The following CDH16 variants were observed in gnomAD, a reference collection of about 807,000 sequenced individuals.
CDH16 encodes cadherin 16, also known as cadherin-16.
A neutral mutation model predicts 87.6 loss-of-function variants in CDH16; 79 were observed. That is an observed-to-expected ratio of 0.90 (90% CI 0.75 to 1.09). CDH16 has a LOEUF of 1.09. Among genes scored for constraint, CDH16 ranks in the 50% least tolerant of loss-of-function variants. The probability of loss-of-function intolerance (pLI) is 0.00; values close to 1 mark genes in which losing one functional copy is unlikely to be tolerated. For missense variants in CDH16, 1,124 were observed against 1,071.7 expected (o/e 1.05, Z -0.68); for synonymous variants, 457 against 439.5 (o/e 1.04, Z -0.50).
At chr16:66,918,200 G>A in intron 1 of CDH16, 122 bp from the exon 2 acceptor site, 1 of 646,222 alleles carries the variant, frequency 1.5e-6, no homozygotes, top group Non-Finnish European at 2.5e-6. Context: ...CAAAGGAGCT[G>A]AGGCTCTCCA....
chr16:66,911,444 T>TG (rs1419012874), intron 13 of CDH16, 129 bp from the exon 14 acceptor site: 6 of 920,334 alleles, frequency 6.5e-6, no homozygotes, highest in Non-Finnish European at 8.0e-6. Flanking sequence ...CAGCAAAGCC[T>TG]GGGGGGCCCA....
At chr16:66,917,793 G>C in intron 2 of CDH16, 68 bp from the exon 3 acceptor site, 2 of 1,394,198 alleles carry the variant, frequency 1.4e-6, no homozygotes. Flanking sequence ...CCCAACAGAA[G>C]AGCGGAATTT....
chr16:66,916,498 G>A lies in CDH16; in HGVS notation c.130-69C>T, dbSNP rs1316744664. 2.7e-6 allele frequency: 4 copies of A among 1,485,986 alleles called. No homozygotes were observed. Among genetic ancestry groups the A allele is most frequent in the Non-Finnish European group, 3.6e-6 (4 of 1,116,040 alleles). The allele number at this position is 1,485,986 out of a possible 1,614,324, so 92.1% of individuals were successfully genotyped here. A position where few individuals can be genotyped will look rare whatever the true frequency, so the allele number is the denominator to read the frequency against. ...GGGAGATGCCCCTCCTCCACCTGATGGCCTCATTTTACATGTGGGGAAACT... is the reference window on the plus strand; with the variant it reads ...GGGAGATGCCCCTCCTCCACCTGATAGCCTCATTTTACATGTGGGGAAACT... On this transcript the variant is annotated intron_variant, in intron 3 of 17. Transcript: ENST00000299752. The surrounding 1 kb of genome is among the most constrained non-coding windows in gnomAD (Gnocchi z 4.1).
Position 66,910,476 on chromosome 16 carries a change from G to A in CDH16, c.1951C>T (p.Pro651Ser). ...GCCTTTAGGAAGTGGATCACCAGGG[G>A]TGCAGAAGCGCTCAGTCTCGGCTCA... ...TDEPRLSASA[P>S]LVIHFLKAPP... Residue 651 changes from proline (P) to serine (S), a missense_variant, in exon 15 of 18, where the codon CCC becomes TCC. By Grantham distance (74) the Pro-to-Ser change is moderately conservative. Transcript: ENST00000299752. 1 of 1,549,908 alleles carries A rather than the reference G, an allele frequency of 6.5e-7. No homozygotes were observed. The highest frequency in any genetic ancestry group is 8.7e-7 in the Non-Finnish European group (1 of 1,144,280).
At position 66,912,375 on chromosome 16, in the gene CDH16, A is replaced by G. The variant is rs1403030130; in HGVS notation, c.1415T>C (p.Leu472Pro). Residue 472 changes from leucine (L) to proline (P), a missense_variant, in exon 12 of 18, where the codon CTA (leucine) becomes CCA (proline). Transcript: ENST00000299752. ...DVEPGTLVAM[L>P]TAIDADLEPA... is the part of the protein sequence containing the mutation. Reference sequence around the variant, plus strand: ...CTCGAGGTCAGCATCAATGGCTGTTAGCATGGCCACCAGAGTCCCGGGCTC... The same window carrying G: ...CTCGAGGTCAGCATCAATGGCTGTTGGCATGGCCACCAGAGTCCCGGGCTC... 6.2e-7 allele frequency: 1 copy of G among 1,614,138 alleles called. No homozygotes were observed. Among genetic ancestry groups the G allele is most frequent in the East Asian group, 2.2e-5 (1 of 44,878 alleles).
chr16:66,911,497 G>A lies in CDH16; in HGVS notation c.1791-182C>T, dbSNP rs1301689674. Among the ~76,000 whole-genome samples, 3 of 152,160 alleles carry A rather than the reference G, an allele frequency of 2.0e-5. No individual in the cohort carries two copies. The East Asian group carries it at 5.8e-4, about 29-fold the overall frequency. On this transcript the variant is annotated intron_variant, in intron 13 of 17. Transcript: ENST00000299752. ...CAGGATTTGTTGTGGTGGTGGTGGTGGGTGTGGGATGAAGAACAGATCATG... is the reference window on the plus strand; with the variant it reads ...CAGGATTTGTTGTGGTGGTGGTGGTAGGTGTGGGATGAAGAACAGATCATG...
chr16:66,918,424 G>C (rs1337503502), intron 1 of CDH16, among the ~76,000 whole-genome samples: 1 of 152,256 alleles, frequency 6.6e-6, no homozygotes, highest in Non-Finnish European at 1.5e-5. Flanking sequence ...AAGCTGGAAA[G>C]TTCCTGAAGA....
At position 66,914,349 on chromosome 16, in the gene CDH16, A is replaced by G. The variant is rs763021340; in HGVS notation, c.647T>C (p.Met216Thr). 3 of 1,614,226 alleles carry G rather than the reference A, an allele frequency of 1.9e-6. No individual in the cohort carries two copies. ...CTGGTGGCCTGAGGCCTGGTCACCC[A>G]TGTCCTTGACCTGTACCAACAGCTG... The part of the protein sequence containing the change: ...TYQLLVQVKD[M>T]GDQASGHQAT... Residue 216 changes from methionine to threonine, a missense_variant, in exon 7 of 18, where the codon ATG becomes ACG. Coordinates refer to ENST00000299752, the MANE Select transcript of CDH16 (RefSeq NM_004062.4).
Position 66,916,475 on chromosome 16 carries a change from G to A in CDH16, c.130-46C>T, listed in dbSNP as rs750301268. Reference sequence around the variant, plus strand: ...TGAAGGGAGCGGTGGCCAGGCCTGGGAGATGCCCCTCCTCCACCTGATGGC... The same window carrying A: ...TGAAGGGAGCGGTGGCCAGGCCTGGAAGATGCCCCTCCTCCACCTGATGGC... On this transcript the variant is annotated intron_variant, in intron 3 of 17. Coordinates refer to ENST00000299752, the MANE Select transcript of CDH16 (RefSeq NM_004062.4). The surrounding 1 kb of genome is among the most constrained non-coding windows in gnomAD (Gnocchi z 4.1). 29 of 1,527,140 alleles carry A rather than the reference G, an allele frequency of 1.9e-5. No homozygotes were observed. Among genetic ancestry groups the A allele is most frequent in the Non-Finnish European group, 2.5e-5 (29 of 1,137,630 alleles). 94.6% of individuals were successfully genotyped at this position (1,527,140 alleles called of 1,614,324 possible).
In CDH16 at chr16:66,912,360, G is replaced by A. The variant is rs367673148; in HGVS notation, c.1430C>T (p.Ala477Val). ...TLVAMLTAID[A>V]DLEPAFRLMD... is the part of the protein sequence containing the mutation. Reference sequence around the variant, plus strand: ...GAGGCGGAAGGCGGGCTCGAGGTCAGCATCAATGGCTGTTAGCATGGCCAC... The same window carrying A: ...GAGGCGGAAGGCGGGCTCGAGGTCAACATCAATGGCTGTTAGCATGGCCAC... The change falls in exon 12 of 18, where the codon GCT becomes GTT. Residue 477 changes from alanine to valine, a missense_variant. Transcript: ENST00000299752. 30 of 1,614,060 alleles carry A rather than the reference G, an allele frequency of 1.9e-5. No individual in the cohort carries two copies. The highest frequency in any genetic ancestry group is 2.4e-5 in the Non-Finnish European group (28 of 1,180,026).
In CDH16 at chr16:66,908,477, A is replaced by T; in HGVS notation, c.2405T>A (p.Ile802Asn). The T allele has an allele frequency of 6.2e-7, 1 of 1,613,950 alleles. No homozygotes were observed. The highest frequency in any genetic ancestry group is 8.5e-7 in the Non-Finnish European group (1 of 1,179,862). Residue 802 changes from isoleucine (I) to asparagine (N), a missense_variant, in exon 18 of 18, where the codon ATC becomes AAC. Ile to Asn is a moderately radical substitution (Grantham distance 149). Transcript: ENST00000299752. ...GTLVAIGIFLILIFTHWTMSR... is the reference protein window; with the variant it reads ...GTLVAIGIFLNLIFTHWTMSR... Reference sequence around the variant, plus strand: ...CATGGTCCAGTGGGTGAAAATGAGGATGAGGAAGATTCCTGTGGGGCCCAA... The same window carrying T: ...CATGGTCCAGTGGGTGAAAATGAGGTTGAGGAAGATTCCTGTGGGGCCCAA...
In CDH16 at chr16:66,918,854, G is replaced by A. The variant is rs183795917; in HGVS notation, c.-64C>T. On this transcript the variant is annotated 5_prime_UTR_variant, in exon 1 of 18. Coordinates refer to ENST00000299752, the MANE Select transcript of CDH16 (RefSeq NM_004062.4). ...TTGGTCCAGCTGCCAAGCAAGAAGA[G>A]AGCTCCTTCTCCAGGGGGCTCTGGC... The A allele has an allele frequency of 1.4e-3, 207 of 152,468 alleles. No homozygotes were observed. The highest frequency in any genetic ancestry group is 0.01 in the Middle Eastern group (3 of 300). 9.4% of individuals were successfully genotyped at this position (152,468 alleles called of 1,614,324 possible). A position where few individuals can be genotyped will look rare whatever the true frequency, so the allele number is the denominator to read the frequency against.
chr16:66,917,273 T>C (rs186770652), intron 3 of CDH16, among the ~76,000 whole-genome samples: 12 of 152,230 alleles, frequency 7.9e-5, no homozygotes, highest in Non-Finnish European at 1.6e-4. Context: ...CACTCCAGCC[T>C]GGGCGACAAG....
At chr16:66,915,404 G>A (rs747143482) in intron 5 of CDH16, 26 bp from the exon 6 acceptor site, 5 of 1,611,026 alleles carry the variant, frequency 3.1e-6, no homozygotes, top group East Asian at 2.2e-5. Flanking sequence ...AGGGCAAACT[G>A]TAAGGGATAG....
chr16:66,917,608 T>A (rs1235302629), intron 3 of CDH16, 34 bp downstream of exon 3: 3 of 1,500,172 alleles, frequency 2.0e-6, no homozygotes, highest in African/African-American at 1.4e-5. Flanking sequence ...CGGGGAGGGA[T>A]CCCCCCGGCC....
At chr16:66,917,773 G>A (rs1219885577) in intron 2 of CDH16, 48 bp from the exon 3 acceptor site, 1 of 1,496,646 alleles carries the variant, frequency 6.7e-7, no homozygotes, top group East Asian at 2.3e-5. Flanking sequence ...TTCCTGCGTG[G>A]GCACTGAGAC....
Position 66,913,617 on chromosome 16 carries a change from G to C in CDH16, c.781-4C>G, listed in dbSNP as rs779418445. 2 of 1,613,688 alleles carry C rather than the reference G, an allele frequency of 1.2e-6. No homozygotes were observed. Among genetic ancestry groups the C allele is most frequent in the Admixed American group, 1.7e-5 (1 of 59,988 alleles). ...CATCACCCCCACTCCAGTGTACCTGGGGGGGACACCCCGGGCCAAGGGGCA... is the reference window on the plus strand; with the variant it reads ...CATCACCCCCACTCCAGTGTACCTGCGGGGGACACCCCGGGCCAAGGGGCA... On this transcript the variant is annotated splice_polypyrimidine_tract_variant and splice_region_variant and intron_variant, in intron 7 of 17. Coordinates refer to ENST00000299752, the MANE Select transcript of CDH16 (RefSeq NM_004062.4).
At position 66,909,736 on chromosome 16, in the gene CDH16, T is replaced by A. The variant is rs566077550; in HGVS notation, c.2275+250A>T. On this transcript the variant is annotated intron_variant, in intron 16 of 17. Transcript: ENST00000299752. The surrounding 1 kb of genome is among the most constrained non-coding windows in gnomAD (Gnocchi z 4.1). ...GCTTGAATCTGGGAGGCGGAAGTTG[T>A]AGTGAGCCGAGATCATGCCACTACA... 1.3e-5 allele frequency among the ~76,000 whole-genome samples: 2 copies of A among 152,116 alleles called. No homozygotes were observed. Among genetic ancestry groups the A allele is most frequent in the South Asian group, 4.2e-4 (2 of 4,814 alleles).
At position 66,908,318 on chromosome 16, in the gene CDH16, G is replaced by A; in HGVS notation, c.*74C>T. ...TCTGTCCTGTCCCCTGCTGGATCTT[G>A]GGTGCTGGGCTCTCTCCCAGGGGAC... On this transcript the variant is annotated 3_prime_UTR_variant, in exon 18 of 18. Transcript: ENST00000299752. The A allele has an allele frequency of 8.2e-7, 1 of 1,218,884 alleles. No homozygotes were observed. The highest frequency in any genetic ancestry group is 1.2e-6 in the Non-Finnish European group (1 of 828,560). 75.5% of individuals were successfully genotyped at this position (1,218,884 alleles called of 1,614,324 possible).
Sources: gnomAD v4.1 joint callset for allele counts (sites outside exome capture counted in the v4.1 genomes callset) on GRCh38, gnomAD v4.1.1 for gene constraint, Gnocchi (gnomAD v3.1) non-coding constraint, MANE v1.5 for transcripts, NCBI Gene and HGNC (gene_info 2026-07-23, HGNC 2026-07-21) for gene names.